The following SPAST variants were observed in gnomAD, a reference collection of about 807,000 sequenced individuals.
SPAST encodes spastic paraplegia 4 (autosomal dominant; spastin).
In SPAST, 30 loss-of-function variants were observed where a neutral mutation model predicts 76.6. The ratio of observed to expected loss-of-function variants is 0.39; its 90% CI spans 0.29 to 0.53. The LOEUF (loss-of-function observed/expected upper bound fraction) is 0.53, where lower values mean the gene tolerates loss of function less well. SPAST is among the 20% of genes least tolerant of loss of function. SPAST has a pLI of 0.68. For missense variants in SPAST, 717 were observed against 770.5 expected (o/e 0.93, Z 0.82); for synonymous variants, 305 against 281.0 (o/e 1.09, Z -0.86).
At chr2:32,069,429 A>G (rs1676658873) in intron 1 of SPAST, among the ~76,000 whole-genome samples, 1 of 152,094 alleles carries the variant, frequency 6.6e-6, no homozygotes, top group African/African-American at 2.4e-5. Context: ...GCTTCAAAAT[A>G]TATATGATCA....
At chr2:32,074,695 C>T (rs1302222089) in intron 1 of SPAST, among the ~76,000 whole-genome samples, 4 of 151,834 alleles carry the variant, frequency 2.6e-5, no homozygotes, top group African/African-American at 4.8e-5. Context: ...TTAGTAGAGA[C>T]GGGGTTTCAC....
At chr2:32,070,267 C>T (rs1676695266) in intron 1 of SPAST, among the ~76,000 whole-genome samples, 1 of 151,698 alleles carries the variant, frequency 6.6e-6, no homozygotes, top group Non-Finnish European at 1.5e-5. Context: ...AGGGTTTCAC[C>T]ATGTTGGTCA....
chr2:32,065,064 A>G (rs1022832933), intron 1 of SPAST, among the ~76,000 whole-genome samples: 7 of 151,902 alleles, frequency 4.6e-5, no homozygotes, highest in African/African-American at 1.7e-4. Context: ...CTGTCGCCCA[A>G]GCTGGAGTGC....
chr2:32,123,217 G>C (rs1009662393), intron 7 of SPAST, among the ~76,000 whole-genome samples: 2 of 151,542 alleles, frequency 1.3e-5, no homozygotes, highest in Non-Finnish European at 2.9e-5. Flanking sequence ...AGCCAAGATC[G>C]CGCCATTGCA....
Position 32,093,834 on chromosome 2 carries a change from T to TAA in SPAST, c.586+4230_586+4231dup, listed in dbSNP as rs1341585435. Among the ~76,000 whole-genome samples, 8 of 152,224 alleles carry TAA rather than the reference T, an allele frequency of 5.3e-5. No individual in the cohort carries two copies. In the East Asian group the frequency reaches 9.6e-4, roughly 18 times the overall value. Reference sequence around the variant, plus strand: ...TATCTTAAAAATATATATATATATATAACAGCCAGATACGCCAATTTGCCG... The same window carrying TAA: ...TATCTTAAAAATATATATATATATATAAAACAGCCAGATACGCCAATTTGCCG... On this transcript the variant is annotated intron_variant, in intron 3 of 16. Coordinates refer to ENST00000315285, the MANE Select transcript of SPAST (RefSeq NM_014946.4).
Position 32,136,792 on chromosome 2 carries a change from A to G in SPAST, c.1322-85A>G, listed in dbSNP as rs529151727. ...TAATGAATTTAGTAGGACCCACTAT[A>G]TTAATAAGTAGTAAACTAGATTAAT... On this transcript the variant is annotated intron_variant, in intron 10 of 16. Transcript: ENST00000315285. 220 of 1,248,648 alleles carry G rather than the reference A, an allele frequency of 1.8e-4. 1 individual carries two copies. The highest frequency in any genetic ancestry group is 2.1e-4 in the Non-Finnish European group (179 of 854,676). The allele number at this position is 1,248,648 out of a possible 1,614,324, so 77.3% of individuals were successfully genotyped here.
intron 3 of SPAST, among the ~76,000 whole-genome samples, chr2:32,092,700 G>A (rs937790589): frequency 6.6e-6 from 1 of 152,120 alleles, no homozygotes; most frequent in Non-Finnish European, 1.5e-5. Context: ...TAAAAGTGTG[G>A]AGTGGTAGAT....
At chr2:32,132,717 G>A (rs1357919940) in intron 9 of SPAST, among the ~76,000 whole-genome samples, 1 of 151,834 alleles carries the variant, frequency 6.6e-6, no homozygotes, top group Non-Finnish European at 1.5e-5. Context: ...GACTTAAAAA[G>A]GAAGCATTGT....
intron 16 of SPAST, among the ~76,000 whole-genome samples, chr2:32,149,351 G>A (rs758284387): frequency 3.3e-5 from 5 of 151,494 alleles, no homozygotes; most frequent in Non-Finnish European, 7.4e-5. Flanking sequence ...GCCAGCCTCG[G>A]CCTCCCTAAG....
intron 7 of SPAST, among the ~76,000 whole-genome samples, chr2:32,125,749 T>C (rs1031499988): frequency 2.0e-5 from 3 of 152,068 alleles, no homozygotes; most frequent in Non-Finnish European, 4.4e-5. Context: ...TTGACTGCCT[T>C]TGGTGGGGAG....
In SPAST at chr2:32,136,620, C is replaced by A; in HGVS notation, c.1303C>A (p.Pro435Thr). ...TTTTGCTGTGGCTCGAGAACTTCAACCTTCTATAATTTTTATAGGTAAGAA... is the reference window on the plus strand; with the variant it reads ...TTTTGCTGTGGCTCGAGAACTTCAAACTTCTATAATTTTTATAGGTAAGAA... ...ALFAVARELQ[P>T]SIIFIDEVDS... Residue 435 changes from proline (P) to threonine (T), a missense_variant, in exon 10 of 17, where the codon CCT (proline) becomes ACT (threonine). Around this residue, in one of 3 missense-constraint regions of SPAST, gnomAD observed 78 missense variants for 197.6 expected, o/e 0.39. Transcript: ENST00000315285. 1 of 1,612,850 alleles carries A rather than the reference C, an allele frequency of 6.2e-7. No homozygotes were observed. The highest frequency in any genetic ancestry group is 8.5e-7 in the Non-Finnish European group (1 of 1,179,078).
intron 1 of SPAST, among the ~76,000 whole-genome samples, chr2:32,067,304 C>G (rs560493855): frequency 6.6e-6 from 1 of 152,064 alleles, no homozygotes; most frequent in Non-Finnish European, 1.5e-5. Context: ...TCAAGTGAAC[C>G]GCCCTCCTTG....
intron 16 of SPAST, among the ~76,000 whole-genome samples, chr2:32,152,429 G>T (rs1417394541): frequency 6.6e-6 from 1 of 152,080 alleles, no homozygotes; most frequent in Non-Finnish European, 1.5e-5. Flanking sequence ...AGTTAGCTGG[G>T]CGTGGTGGCG....
intron 1 of SPAST, among the ~76,000 whole-genome samples, chr2:32,074,722 G>T (rs1210160500): frequency 2.0e-5 from 3 of 152,002 alleles, no homozygotes; most frequent in Non-Finnish European, 4.4e-5. Flanking sequence ...GAGCAGGCTG[G>T]TCTCGAACTC....
chr2:32,075,553 T>TC lies in SPAST; in HGVS notation c.415+11307_415+11308insC, dbSNP rs1349355454. 9.7e-5 allele frequency among the ~76,000 whole-genome samples: 13 copies of TC among 134,024 alleles called. No individual in the cohort carries two copies. The South Asian group carries it at 1.0e-3, about 10-fold the overall frequency. 87.9% of individuals were successfully genotyped at this position (134,024 alleles called of 152,430 possible). A position where few individuals can be genotyped will look rare whatever the true frequency, so the allele number is the denominator to read the frequency against. ...TTAGTGTCATGGCTTTTTTCTTTTT[T>TC]TTTTTTTTTTTTTTGAGACAAAGCC... On this transcript the variant is annotated intron_variant, in intron 1 of 16. Coordinates refer to ENST00000315285, the MANE Select transcript of SPAST (RefSeq NM_014946.4).
chr2:32,145,197 A>T (rs1360925227), intron 15 of SPAST, among the ~76,000 whole-genome samples, 190 bp downstream of exon 15: 1 of 152,016 alleles, frequency 6.6e-6, no homozygotes, highest in Non-Finnish European at 1.5e-5. Flanking sequence ...GGCTCAGGTG[A>T]TTCTCCCACC....
chr2:32,073,499 T>G (rs1676834085), intron 1 of SPAST, among the ~76,000 whole-genome samples: 1 of 152,188 alleles, frequency 6.6e-6, no homozygotes. Context: ...TTAAAAATGT[T>G]TTTAAAGCAA....
intron 9 of SPAST, among the ~76,000 whole-genome samples, chr2:32,134,274 A>AGG (rs1679463000): frequency 6.6e-6 from 1 of 152,078 alleles, no homozygotes; most frequent in Non-Finnish European, 1.5e-5. Context: ...AGGCCGAGGC[A>AGG]GGCGAATCAC....
intron 1 of SPAST, chr2:32,077,938 G>A (rs1205972379): frequency 6.6e-6 from 1 of 151,898 alleles, no homozygotes; most frequent in African/African-American, 2.4e-5. Flanking sequence ...TTCGAGACTA[G>A]CCTGGGTATG....
Sources: allele counts gnomAD v4.1 joint callset (sites outside exome capture counted in the v4.1 genomes callset), GRCh38; gene constraint gnomAD v4.1.1; regional missense constraint gnomAD v4.1.1; transcripts MANE v1.5; gene names NCBI Gene and HGNC (gene_info 2026-07-23, HGNC 2026-07-21).